Variants in ZNF169 observed in about 807,000 individuals in gnomAD.
ZNF169 encodes the protein zinc finger protein 169.
ZNF169 carries 11 observed loss-of-function variants against 12.0 expected under a neutral mutation model. The ratio of observed to expected loss-of-function variants is 0.92; its 90% CI spans 0.58 to 1.52. The LOEUF is 1.52. Among genes scored for constraint, ZNF169 ranks in the 40% most tolerant of loss-of-function variants. The pLI is 0.00. For synonymous variants in ZNF169, 302 were observed against 286.5 expected (o/e 1.05, Z -0.55); for missense variants, 722 against 744.0 (o/e 0.97, Z 0.34).
chr9:94,264,229 C>T lies in ZNF169; in HGVS notation c.-56+4884C>T, dbSNP rs531959546. On this transcript the variant is annotated intron_variant, in intron 1 of 4. Coordinates refer to ENST00000395395, the MANE Select transcript of ZNF169 (RefSeq NM_194320.4). ...TTGGCTCACTGCAACTTCTGCCTCGCGGGTTCAAGCGCTTCTCCTGTCTCA... is the reference window on the plus strand; with the variant it reads ...TTGGCTCACTGCAACTTCTGCCTCGTGGGTTCAAGCGCTTCTCCTGTCTCA... Among the ~76,000 whole-genome samples the T allele has an allele frequency of 6.6e-5, 10 of 152,236 alleles. No homozygotes were observed. The East Asian group carries it at 9.7e-4, about 15-fold the overall frequency.
chr9:94,268,660 G>A (rs1432267831), intron 1 of ZNF169, among the ~76,000 whole-genome samples: 8 of 151,574 alleles, frequency 5.3e-5, no homozygotes, highest in Non-Finnish European at 1.2e-4. Flanking sequence ...GGGTGGTGGG[G>A]CCTGTAATCC....
At chr9:94,293,223 A>G in intron 4 of ZNF169, 154 bp downstream of exon 4, 1 of 701,384 alleles carries the variant, frequency 1.4e-6, no homozygotes, top group South Asian at 1.6e-5. Context: ...TGCCTTCCAC[A>G]CTGTGTGCCT....
chr9:94,279,237 C>G (rs560857849), intron 2 of ZNF169, among the ~76,000 whole-genome samples: 1 of 151,920 alleles, frequency 6.6e-6, no homozygotes, highest in South Asian at 2.1e-4. Flanking sequence ...ACTAAAAGTA[C>G]AAAATTAGCT....
intron 2 of ZNF169, among the ~76,000 whole-genome samples, chr9:94,286,011 C>CA (rs1412138883): frequency 1.4e-5 from 2 of 146,790 alleles, no homozygotes; most frequent in South Asian, 2.2e-4. Context: ...AACTCCATCT[C>CA]AAAAAAAAAA....
chr9:94,287,631 T>G (rs571023402), intron 2 of ZNF169: 72 of 648,052 alleles, frequency 1.1e-4, no homozygotes, highest in South Asian at 1.1e-3. Context: ...CCCAAAGTGC[T>G]GGGATTACAG....
Position 94,278,834 on chromosome 9 carries a change from A to G in ZNF169, c.22A>G (p.Thr8Ala). MSPGLLT[T>A]RKEALMAFRD... is the part of the protein sequence containing the mutation. ...GGATATGTCACCAGGACTCCTGACA[A>G]CCAGGAAGGAGGTAAGTCCTGAAAT... The change falls in exon 2 of 5, where the codon ACC (threonine) becomes GCC (alanine). Residue 8 changes from threonine to alanine, a missense_variant. Physicochemically the swap from Thr to Ala is moderately conservative, Grantham distance 58. Coordinates refer to ENST00000395395, the MANE Select transcript of ZNF169 (RefSeq NM_194320.4). 6.2e-7 allele frequency: 1 copy of G among 1,614,016 alleles called. No homozygotes were observed. Among genetic ancestry groups the G allele is most frequent in the Non-Finnish European group, 8.5e-7 (1 of 1,179,966 alleles).
chr9:94,267,840 C>T (rs3131900), intron 1 of ZNF169, among the ~76,000 whole-genome samples: 12,840 of 148,704 alleles, frequency 0.086, 760 homozygotes, highest in Non-Finnish European at 0.13. Flanking sequence ...TAGAGCTTTA[C>T]AGCTGATTAT....
At chr9:94,288,131 AC>A in intron 2 of ZNF169, 1 of 823,644 alleles carries the variant, frequency 1.2e-6, no homozygotes, top group Non-Finnish European at 2.1e-6. Flanking sequence ...GCACCAGAGC[AC>A]CCTGGAATGA....
intron 1 of ZNF169, among the ~76,000 whole-genome samples, chr9:94,272,973 A>G (rs147667011): frequency 8.3e-4 from 126 of 152,150 alleles, no homozygotes; most frequent in African/African-American, 3.0e-3. Context: ...TTCCCTGGTA[A>G]TTTGTGATGT....
chr9:94,286,107 G>T (rs1830715379), intron 2 of ZNF169, among the ~76,000 whole-genome samples: 2 of 152,118 alleles, frequency 1.3e-5, no homozygotes, highest in African/African-American at 4.8e-5. Context: ...CTTTTAGTGT[G>T]TGCTAGGCAG....
rs1264967461 is a variant in ZNF169 at position 94,299,989 on chromosome 9, G to A, written c.431G>A (p.Gly144Glu). The change falls in exon 5 of 5, where the codon GGA (glycine) becomes GAA (glutamate). Residue 144 changes from glycine (G) to glutamate (E), a missense_variant. Physicochemically the swap from Gly to Glu is moderately conservative, Grantham distance 98 (BLOSUM62 -2). Transcript: ENST00000395395. ...TGCTCTAGTGAAAAAGGAGAAAGTG[G>A]AGAGACAGAAGGCCCCGACAGCTCA... The part of the protein sequence containing the change: ...PRCSSEKGES[G>E]ETEGPDSSLR... 6.2e-7 allele frequency: 1 copy of A among 1,614,100 alleles called. No individual in the cohort carries two copies. The highest frequency in any genetic ancestry group is 8.5e-7 in the Non-Finnish European group (1 of 1,180,038).
chr9:94,293,213 T>A (rs1356857219), intron 4 of ZNF169, 144 bp downstream of exon 4: 2 of 738,828 alleles, frequency 2.7e-6, no homozygotes, highest in South Asian at 3.1e-5. Context: ...TGGCACTGCC[T>A]GCCTTCCACA....
intron 2 of ZNF169, among the ~76,000 whole-genome samples, chr9:94,289,406 C>A (rs1008523565): frequency 1.3e-5 from 2 of 151,576 alleles, no homozygotes; most frequent in Non-Finnish European, 2.9e-5. Context: ...CTCATAAAAA[C>A]AACAAAAAAG....
At chr9:94,260,228 G>A (rs1438374507) in intron 1 of ZNF169, among the ~76,000 whole-genome samples, 1 of 152,060 alleles carries the variant, frequency 6.6e-6, no homozygotes. Flanking sequence ...AATATTTTGT[G>A]TTTTAGTAGA....
In ZNF169 at chr9:94,290,382, A is replaced by G. The variant is rs550614845; in HGVS notation, c.34-1959A>G. Among the ~76,000 whole-genome samples, 16 of 152,334 alleles carry G rather than the reference A, an allele frequency of 1.1e-4. No homozygotes were observed. In the East Asian group the frequency reaches 3.1e-3, roughly 29 times the overall value. ...TCATTATCCCAAATAGAAATTGTGT[A>G]TCCATTAAACAATAACTCCCCATCC... is the stretch of plus-strand genomic sequence containing the variant. On this transcript the variant is annotated intron_variant, in intron 2 of 4. Transcript: ENST00000395395.
intron 2 of ZNF169, among the ~76,000 whole-genome samples, chr9:94,289,512 G>T (rs1407694038): frequency 2.0e-5 from 3 of 152,042 alleles, no homozygotes; most frequent in African/African-American, 7.2e-5. Flanking sequence ...TACAATGGCC[G>T]GGCATGGTGG....
intron 1 of ZNF169, among the ~76,000 whole-genome samples, chr9:94,265,217 G>A (rs1259474606): frequency 6.6e-6 from 1 of 152,030 alleles, no homozygotes; most frequent in African/African-American, 2.4e-5. Flanking sequence ...ATGAACTGGG[G>A]AGGAAGAGAG....
In ZNF169 at chr9:94,299,829, T is replaced by A; in HGVS notation, c.271T>A (p.Phe91Ile). The A allele has an allele frequency of 6.2e-7, 1 of 1,613,314 alleles. No homozygotes were observed. Among genetic ancestry groups the A allele is most frequent in the Non-Finnish European group, 8.5e-7 (1 of 1,179,576 alleles). ...CTCTCTAGCAGAGCCTAGAACAGAA[T>A]TCCAGCCAAGTTTTCCCCACCTGGT... ...LDLCPEPRTE[F>I]QPSFPHLVAF... The change falls in exon 5 of 5, where the codon TTC (phenylalanine) becomes ATC (isoleucine). Residue 91 changes from phenylalanine (F) to isoleucine (I), a missense_variant. By Grantham distance (21) the Phe-to-Ile change is conservative (BLOSUM62 0). Coordinates refer to ENST00000395395, the MANE Select transcript of ZNF169 (RefSeq NM_194320.4).
intron 3 of ZNF169, 46 bp from the exon 4 acceptor site, chr9:94,292,928 A>T (rs66868150): frequency 0.1 from 155,941 of 1,529,994 alleles, 9,022 homozygotes; most frequent in South Asian, 0.14. Context: ...ATAGCCTCTT[A>T]AGCCACTAAC....
Sources: allele counts gnomAD v4.1 joint callset (sites outside exome capture counted in the v4.1 genomes callset), GRCh38; gene constraint gnomAD v4.1.1; transcripts MANE v1.5; gene names NCBI Gene and HGNC (gene_info 2026-07-23, HGNC 2026-07-21).